CHCHD3: variants seen among roughly 807,000 people sequenced by gnomAD.
CHCHD3 encodes the protein coiled-coil-helix-coiled-coil-helix domain containing 3, also known as MICOS complex subunit MIC19.
A neutral mutation model predicts 38.2 loss-of-function variants in CHCHD3; 20 were observed. That is an observed-to-expected ratio of 0.52 (90% CI 0.37 to 0.76). The LOEUF (loss-of-function observed/expected upper bound fraction) is 0.76, where lower values mean the gene tolerates loss of function less well. Ranked by LOEUF, CHCHD3 falls within the 30% of genes least tolerant of loss-of-function variation. The probability of loss-of-function intolerance (pLI) is 0.00; values close to 1 mark genes in which losing one functional copy is unlikely to be tolerated. For missense variants in CHCHD3, 245 were observed against 279.2 expected, an observed-to-expected ratio of 0.88 and a Z score of 0.87; for synonymous variants, 82 against 100.0, an observed-to-expected ratio of 0.82 and a Z score of 1.07.
At chr7:132,975,503 G>A (rs982463309) in intron 3 of CHCHD3, among the ~76,000 whole-genome samples, 2 of 152,150 alleles carry the variant, frequency 1.3e-5, no homozygotes, top group Admixed American at 6.5e-5. Flanking sequence ...AATACATGAA[G>A]AAGCTTATTA....
chr7:132,830,647 T>A (rs1346687152), intron 6 of CHCHD3: 1 of 152,214 alleles, frequency 6.6e-6, no homozygotes, highest in Non-Finnish European at 1.5e-5. Context: ...TAGCTTCATA[T>A]ACAAAGTATA....
chr7:133,081,014 T>C (rs188680670), intron 1 of CHCHD3, among the ~76,000 whole-genome samples: 211 of 151,658 alleles, frequency 1.4e-3, no homozygotes, highest in African/African-American at 4.6e-3. Flanking sequence ...CAGCGGAGAG[T>C]GTGTTAATGA....
At chr7:133,064,096 G>C (rs114702338) in intron 2 of CHCHD3, among the ~76,000 whole-genome samples, 2,271 of 152,250 alleles carry the variant, frequency 0.015, 55 homozygotes, top group African/African-American at 0.052. Flanking sequence ...AATATTAACA[G>C]AGGAGGCGAC....
intron 6 of CHCHD3, among the ~76,000 whole-genome samples, chr7:132,802,884 C>CAAAATT (rs891530453): frequency 6.6e-6 from 1 of 151,630 alleles, no homozygotes; most frequent in African/African-American, 2.4e-5. Context: ...TCTCAACAGG[C>CAAAATT]AAAATTCTAC....
At chr7:132,987,039 G>C (rs899319356) in intron 3 of CHCHD3, among the ~76,000 whole-genome samples, 2 of 152,102 alleles carry the variant, frequency 1.3e-5, no homozygotes, top group African/African-American at 4.8e-5. Context: ...TGCCAGTAAA[G>C]GACTACCCTT....
intron 5 of CHCHD3, among the ~76,000 whole-genome samples, chr7:132,843,631 C>A (rs1807997441): frequency 1.3e-5 from 2 of 152,194 alleles, no homozygotes; most frequent in Admixed American, 6.5e-5. Flanking sequence ...AATGTTCCTA[C>A]CCTGAATGGG....
intron 4 of CHCHD3, among the ~76,000 whole-genome samples, chr7:132,895,396 C>T (rs1387901949): frequency 6.6e-6 from 1 of 152,206 alleles, no homozygotes; most frequent in Non-Finnish European, 1.5e-5. Flanking sequence ...CAGCACTACC[C>T]CCTACTCTGA....
chr7:132,950,663 A>G (rs138171139), intron 4 of CHCHD3, among the ~76,000 whole-genome samples: 33 of 152,312 alleles, frequency 2.2e-4, no homozygotes, highest in African/African-American at 7.9e-4. Context: ...GTTATTTTTT[A>G]AAGAAGGTTT....
chr7:133,043,539 G>C (rs1163526637), intron 2 of CHCHD3, among the ~76,000 whole-genome samples: 1 of 151,828 alleles, frequency 6.6e-6, no homozygotes, highest in Admixed American at 6.6e-5. Context: ...CCAGCTACTC[G>C]GGAGGCTGAG....
chr7:132,814,125 GA>G (rs1212695368), intron 6 of CHCHD3, among the ~76,000 whole-genome samples: 1 of 152,144 alleles, frequency 6.6e-6, no homozygotes, highest in African/African-American at 2.4e-5. Flanking sequence ...GACGTTTCAA[GA>G]ATAATAAACC....
chr7:132,958,603 C>T (rs553238026), intron 4 of CHCHD3, among the ~76,000 whole-genome samples: 2 of 152,140 alleles, frequency 1.3e-5, no homozygotes, highest in South Asian at 2.1e-4. Flanking sequence ...TATTTAAAAC[C>T]ATGTTTTAAA....
chr7:132,786,505 G>A (rs1317764354), intron 7 of CHCHD3, among the ~76,000 whole-genome samples: 1 of 152,182 alleles, frequency 6.6e-6, no homozygotes, highest in Non-Finnish European at 1.5e-5. Flanking sequence ...TATCAGATGA[G>A]AACTCTATAA....
intron 4 of CHCHD3, among the ~76,000 whole-genome samples, chr7:132,903,060 A>G (rs1280175446): frequency 6.6e-6 from 1 of 152,232 alleles, no homozygotes; most frequent in Non-Finnish European, 1.5e-5. Context: ...TAATCACACT[A>G]GAAAGCCTCA....
At chr7:132,981,018 C>T (rs2117344114) in intron 3 of CHCHD3, among the ~76,000 whole-genome samples, 1 of 152,188 alleles carries the variant, frequency 6.6e-6, no homozygotes, top group South Asian at 2.1e-4. Flanking sequence ...CATGGTCTTG[C>T]TCTCTTGCCC....
At chr7:133,016,911 T>A (rs1435473737) in intron 3 of CHCHD3, among the ~76,000 whole-genome samples, 2 of 152,200 alleles carry the variant, frequency 1.3e-5, no homozygotes, top group African/African-American at 2.4e-5. Flanking sequence ...ACTTCCGGAT[T>A]AAGGAAATGG....
chr7:133,022,627 T>TA lies in CHCHD3; in HGVS notation c.251+1918dup, dbSNP rs58694840. 2.4e-3 allele frequency: 940 copies of TA among 395,730 alleles called. 8 individuals are homozygous for TA. The highest frequency in any genetic ancestry group is 0.019 in the African/African-American group (880 of 47,310). The allele number at this position is 395,730 out of a possible 1,614,324, so 24.5% of individuals were successfully genotyped here. A position where few individuals can be genotyped will look rare whatever the true frequency, so the allele number is the denominator to read the frequency against. On this transcript the variant is annotated intron_variant, in intron 3 of 7. Transcript: ENST00000262570. ...AGGAGGCTTCAAACAAAACTTTTTT[T>TA]AAAAAAGAAAAAATAATACAAAGGC...
chr7:132,966,881 G>A (rs1022568174), intron 4 of CHCHD3, among the ~76,000 whole-genome samples: 2 of 152,188 alleles, frequency 1.3e-5, no homozygotes, highest in African/African-American at 4.8e-5. Flanking sequence ...AGCCTCTTTA[G>A]TAGGAAATGA....
At chr7:132,820,113 T>C (rs1807307088) in intron 6 of CHCHD3, among the ~76,000 whole-genome samples, 1 of 152,202 alleles carries the variant, frequency 6.6e-6, no homozygotes. Flanking sequence ...GAGCATCTTG[T>C]GGTTGCAAGG....
intron 4 of CHCHD3, among the ~76,000 whole-genome samples, chr7:132,935,030 CA>C (rs1810603431): frequency 6.6e-6 from 1 of 152,206 alleles, no homozygotes; most frequent in African/African-American, 2.4e-5. Context: ...TCTGGAAAGA[CA>C]AGTTCTGAGT....
Sources: gnomAD v4.1 joint callset for allele counts (sites outside exome capture counted in the v4.1 genomes callset) on GRCh38, gnomAD v4.1.1 for gene constraint, MANE v1.5 for transcripts, NCBI Gene and HGNC (gene_info 2026-07-23, HGNC 2026-07-21) for gene names.